Variants in NR6A1 observed in about 807,000 individuals in gnomAD.
NR6A1 encodes the protein nuclear receptor subfamily 6 group A member 1, also known as retinoic acid receptor-related testis-associated receptor.
A neutral mutation model predicts 59.1 loss-of-function variants in NR6A1; 7 were observed. That is an observed-to-expected ratio of 0.12 (90% CI 0.07 to 0.22). The LOEUF (loss-of-function observed/expected upper bound fraction) is 0.22. Among genes scored for constraint, NR6A1 ranks in the 10% least tolerant of loss-of-function variants. NR6A1 has a pLI of 1.00. For missense variants in NR6A1, 468 were observed against 611.6 expected, an observed-to-expected ratio of 0.77 and a Z score of 2.48; for synonymous variants, 243 against 236.1, an observed-to-expected ratio of 1.03 and a Z score of -0.27.
chr9:124,728,507 C>A (rs914116653), intron 2 of NR6A1, among the ~76,000 whole-genome samples: 1 of 151,840 alleles, frequency 6.6e-6, no homozygotes, highest in South Asian at 2.1e-4. Context: ...CAGTGGCAGG[C>A]GCCTGTAATC....
At chr9:124,696,502 A>T (rs1402160559) in intron 2 of NR6A1, among the ~76,000 whole-genome samples, 1 of 149,596 alleles carries the variant, frequency 6.7e-6, no homozygotes, top group Admixed American at 6.7e-5. Flanking sequence ...ATCACAAATT[A>T]TACATAATGT....
chr9:124,595,543 T>G lies in NR6A1; in HGVS notation c.143-40973A>C, dbSNP rs564940753. Reference sequence around the variant, plus strand: ...GCTCTTCATCAACCACAACAATGAATTCACTGCAGTTCTCTCTCACTTTTC... The same window carrying G: ...GCTCTTCATCAACCACAACAATGAAGTCACTGCAGTTCTCTCTCACTTTTC... On this transcript the variant is annotated intron_variant, in intron 2 of 9. Transcript: ENST00000487099. Among the ~76,000 whole-genome samples, 174 of 152,326 alleles carry G rather than the reference T, an allele frequency of 1.1e-3. 1 individual carries two copies. The highest frequency in any genetic ancestry group is 3.8e-3 in the African/African-American group (158 of 41,570).
At chr9:124,621,809 A>C (rs193003010) in intron 2 of NR6A1, among the ~76,000 whole-genome samples, 1 of 152,282 alleles carries the variant, frequency 6.6e-6, no homozygotes, top group Admixed American at 6.5e-5. Flanking sequence ...ATAAAACCTA[A>C]ACCATAAGCC....
chr9:124,564,801 A>G (rs886726920), intron 2 of NR6A1, among the ~76,000 whole-genome samples: 3 of 152,216 alleles, frequency 2.0e-5, no homozygotes, highest in Non-Finnish European at 4.4e-5. Flanking sequence ...ACAATCTACC[A>G]TACATCAACA....
chr9:124,720,342 C>T (rs1385936030), intron 2 of NR6A1, among the ~76,000 whole-genome samples: 3 of 152,162 alleles, frequency 2.0e-5, no homozygotes, highest in East Asian at 1.9e-4. Context: ...CGAGCCACCA[C>T]GCCCGGCCAT....
intron 2 of NR6A1, among the ~76,000 whole-genome samples, chr9:124,701,160 C>A (rs1459256738): frequency 6.6e-6 from 1 of 152,142 alleles, no homozygotes; most frequent in Non-Finnish European, 1.5e-5. Flanking sequence ...TAATGAACTG[C>A]CAAACTGATT....
intron 3 of NR6A1, among the ~76,000 whole-genome samples, chr9:124,551,618 G>C (rs1833779435): frequency 6.6e-6 from 1 of 152,104 alleles, no homozygotes. Context: ...TCAAAGGTTA[G>C]CTCCTTTTTT....
intron 1 of NR6A1, among the ~76,000 whole-genome samples, chr9:124,754,411 A>G (rs1475998303): frequency 6.6e-6 from 1 of 152,210 alleles, no homozygotes; most frequent in Non-Finnish European, 1.5e-5. Flanking sequence ...ATTACCTTTT[A>G]AGGATTTCTG....
At chr9:124,676,950 A>T (rs948584237) in intron 2 of NR6A1, among the ~76,000 whole-genome samples, 1 of 152,326 alleles carries the variant, frequency 6.6e-6, no homozygotes, top group Middle Eastern at 3.4e-3. Context: ...TTCAAGACTG[A>T]AAAGAATTTA....
intron 3 of NR6A1, 42 bp downstream of exon 3, chr9:124,554,286 T>G: frequency 6.2e-7 from 1 of 1,613,474 alleles, no homozygotes; most frequent in Non-Finnish European, 8.5e-7. Context: ...AGGTAAAGTT[T>G]TGAATGAAGG....
intron 2 of NR6A1, among the ~76,000 whole-genome samples, chr9:124,700,339 C>A (rs1011035026): frequency 6.6e-6 from 1 of 151,988 alleles, no homozygotes; most frequent in African/African-American, 2.4e-5. Flanking sequence ...GGACTACAGG[C>A]ATACACCACC....
chr9:124,561,573 C>T (rs769947300), intron 2 of NR6A1, among the ~76,000 whole-genome samples: 8 of 152,148 alleles, frequency 5.3e-5, no homozygotes, highest in Non-Finnish European at 1.2e-4. Flanking sequence ...AAGTGTTAGA[C>T]AAAATTGTTG....
intron 2 of NR6A1, among the ~76,000 whole-genome samples, chr9:124,635,420 G>A (rs1301561158): frequency 6.6e-6 from 1 of 152,148 alleles, no homozygotes; most frequent in Non-Finnish European, 1.5e-5. Flanking sequence ...GAGATCTGAT[G>A]ATTCTATAAG....
intron 2 of NR6A1, among the ~76,000 whole-genome samples, chr9:124,714,617 A>C (rs538042928): frequency 4.6e-5 from 7 of 152,232 alleles, no homozygotes; most frequent in Non-Finnish European, 8.8e-5. Context: ...CTTTATTCAC[A>C]GATGTACACA....
chr9:124,570,931 T>C (rs138095268), intron 2 of NR6A1, among the ~76,000 whole-genome samples: 7 of 152,348 alleles, frequency 4.6e-5, no homozygotes, highest in East Asian at 1.9e-4. Context: ...TCTCAAATCA[T>C]TGCAACATTT....
intron 2 of NR6A1, among the ~76,000 whole-genome samples, chr9:124,627,340 G>A (rs1489312048): frequency 2.0e-5 from 3 of 152,088 alleles, no homozygotes; most frequent in African/African-American, 7.2e-5. Flanking sequence ...AAACAGAAAA[G>A]TGGCAGTGAT....
At chr9:124,556,843 C>T (rs1418263782) in intron 2 of NR6A1, among the ~76,000 whole-genome samples, 1 of 150,958 alleles carries the variant, frequency 6.6e-6, no homozygotes, top group African/African-American at 2.4e-5. Context: ...TAATTTGTTA[C>T]AGCAGCACAG....
intron 2 of NR6A1, among the ~76,000 whole-genome samples, chr9:124,570,892 CATTG>C (rs1834419811): frequency 6.6e-6 from 1 of 152,166 alleles, no homozygotes; most frequent in Non-Finnish European, 1.5e-5. Flanking sequence ...ATAAAGCAGA[CATTG>C]ATTATTTAAA....
At chr9:124,718,663 TCA>T (rs759431840) in intron 2 of NR6A1, among the ~76,000 whole-genome samples, 24 of 152,126 alleles carry the variant, frequency 1.6e-4, no homozygotes, top group Admixed American at 3.9e-4. Flanking sequence ...CCCTGTAATC[TCA>T]TTTTCCCAAA....
Sources: gnomAD v4.1 joint callset for allele counts (sites outside exome capture counted in the v4.1 genomes callset) on GRCh38, gnomAD v4.1.1 for gene constraint, MANE v1.5 for transcripts, NCBI Gene and HGNC (gene_info 2026-07-23, HGNC 2026-07-21) for gene names.